MYH7B: variants seen among roughly 807,000 people sequenced by gnomAD.
MYH7B encodes the protein myosin-7B.
In MYH7B, 205 loss-of-function variants were observed where a neutral mutation model predicts 234.5. The observed-to-expected ratio is 0.87, with a 90% CI of 0.78 to 0.98. The LOEUF (loss-of-function observed/expected upper bound fraction) is 0.98, where lower values mean the gene tolerates loss of function less well. Ranked by LOEUF, MYH7B falls within the 50% of genes least tolerant of loss-of-function variation. The pLI is 0.00. For synonymous variants in MYH7B, 1,193 were observed against 1,105.0 expected (o/e 1.08, Z -1.58); for missense variants, 2,652 against 2,633.4 (o/e 1.01, Z -0.15).
intron 1 of MYH7B, among the ~76,000 whole-genome samples, chr20:34,957,230 C>A (rs11700037): frequency 5.3e-5 from 8 of 152,138 alleles, no homozygotes; most frequent in Non-Finnish European, 7.3e-5. Flanking sequence ...GCAACAGGAG[C>A]TAAGGGCTTT....
chr20:34,977,671 T>TGGTGCCGAGGTAGG lies in MYH7B; in HGVS notation c.-81_-73+5dup. On this transcript the variant is annotated 5_prime_UTR_variant, in exon 4 of 45. The change creates a premature stop within an existing upstream ORF in the 5' untranslated region. Transcript: ENST00000262873. ...GTAGCAGAGCTTCCTGCCCTCACCGTGGTGCCGAGGTAGGTGATCAGGGCT... is the reference window on the plus strand; with the variant it reads ...GTAGCAGAGCTTCCTGCCCTCACCGTGGTGCCGAGGTAGGGGTGCCGAGGTAGGTGATCAGGGCT... 1 of 1,412,772 alleles carries TGGTGCCGAGGTAGG rather than the reference T, an allele frequency of 7.1e-7. No homozygotes were observed. Among genetic ancestry groups the TGGTGCCGAGGTAGG allele is most frequent in the Non-Finnish European group, 9.4e-7 (1 of 1,069,260 alleles). 87.5% of individuals were successfully genotyped at this position (1,412,772 alleles called of 1,614,324 possible).
At chr20:34,974,219 G>A (rs1055586974) in intron 2 of MYH7B, among the ~76,000 whole-genome samples, 2 of 143,830 alleles carry the variant, frequency 1.4e-5, no homozygotes, top group African/African-American at 5.3e-5. Context: ...GAGCCACCAT[G>A]CCCAGCCTTT....
rs60226031 is a variant in MYH7B, at chr20:34,985,959, A to G, written c.806-141A>G. 5.4e-3 allele frequency: 3,744 copies of G among 694,670 alleles called. 49 individuals carry two copies. Among genetic ancestry groups the G allele is most frequent in the Middle Eastern group, 0.025 (64 of 2,598 alleles). 43.0% of individuals were successfully genotyped at this position (694,670 alleles called of 1,614,324 possible). On this transcript the variant is annotated intron_variant, in intron 13 of 44. Coordinates refer to ENST00000262873, the Ensembl canonical transcript of MYH7B. ...GTGATGACGCAGGCACAGGGGAGAT[A>G]CCCTCCCCACACAAGCTGGCAGGTG...
intron 19 of MYH7B, among the ~76,000 whole-genome samples, chr20:34,989,307 A>G (rs2147203397): frequency 6.6e-6 from 1 of 152,324 alleles, no homozygotes; most frequent in East Asian, 1.9e-4. Flanking sequence ...GAAGACATTC[A>G]TCTTCCCACT....
At position 34,993,240 on chromosome 20, in the gene MYH7B, G is replaced by A; in HGVS notation, c.2307+15G>A. On this transcript the variant is annotated intron_variant, in intron 25 of 44. Transcript: ENST00000262873. Reference sequence around the variant, plus strand: ...GCCACACCAAGGTCGGGGCACTGTGGGATCAGGGCTGGCCATGGCTGTGGC... The same window carrying A: ...GCCACACCAAGGTCGGGGCACTGTGAGATCAGGGCTGGCCATGGCTGTGGC... The A allele has an allele frequency of 6.2e-7, 1 of 1,613,914 alleles. No individual in the cohort carries two copies. Among genetic ancestry groups the A allele is most frequent in the Non-Finnish European group, 8.5e-7 (1 of 1,179,906 alleles).
chr20:34,956,691 G>T (rs566516021), intron 1 of MYH7B, among the ~76,000 whole-genome samples: 41 of 152,184 alleles, frequency 2.7e-4, no homozygotes, highest in Non-Finnish European at 5.4e-4. Flanking sequence ...GAAGGTATAG[G>T]TAGTGAAGGA....
chr20:34,990,879 C>T, intron 23 of MYH7B, 54 bp downstream of exon 23: 1 of 1,601,674 alleles, frequency 6.2e-7, no homozygotes, highest in Non-Finnish European at 8.6e-7. Context: ...GGGAAGGTGA[C>T]AGGGCAGAGG....
intron 23 of MYH7B, 62 bp from the exon 24 acceptor site, chr20:34,990,942 T>C (rs1326026757): frequency 1.3e-6 from 2 of 1,568,480 alleles, no homozygotes; most frequent in Non-Finnish European, 1.8e-6. Flanking sequence ...CCACTGCTGC[T>C]TTTTCTCTGG....
intron 24 of MYH7B, among the ~76,000 whole-genome samples, chr20:34,991,787 T>G (rs760642590): frequency 2.4e-4 from 36 of 152,212 alleles, no homozygotes; most frequent in Non-Finnish European, 4.6e-4. Flanking sequence ...ACACTATCCT[T>G]TGTAAACAGA....
intron 24 of MYH7B, among the ~76,000 whole-genome samples, chr20:34,991,848 G>A (rs1445902327): frequency 1.3e-5 from 2 of 152,220 alleles, no homozygotes; most frequent in Non-Finnish European, 2.9e-5. Context: ...CTGTGACCTT[G>A]TTTTTTCTAA....
chr20:34,979,881 G>T lies in MYH7B; in HGVS notation c.342+77G>T, dbSNP rs894505468. The T allele has an allele frequency of 4.7e-6, 7 of 1,502,148 alleles. No individual in the cohort carries two copies. The East Asian group carries it at 1.7e-4, about 36-fold the overall frequency. The allele number at this position is 1,502,148 out of a possible 1,614,324, so 93.1% of individuals were successfully genotyped here. On this transcript the variant is annotated intron_variant, in intron 7 of 44. Transcript: ENST00000262873. ...GGCTAGAGATGAGGTGCTGGGGGCGGGCCCATAGCGGTGGGGCGGGGCTGT... is the reference window on the plus strand; with the variant it reads ...GGCTAGAGATGAGGTGCTGGGGGCGTGCCCATAGCGGTGGGGCGGGGCTGT...
exon 40 of MYH7B, chr20:35,000,779 C>T (rs2082358134): frequency 1.2e-6 from 2 of 1,613,114 alleles, no homozygotes; most frequent in South Asian, 1.1e-5. Flanking sequence ...ACACAGGCCT[C>T]CTAAACCAGA....
intron 2 of MYH7B, among the ~76,000 whole-genome samples, chr20:34,963,630 G>A (rs1045155723): frequency 6.6e-6 from 1 of 152,190 alleles, no homozygotes; most frequent in Non-Finnish European, 1.5e-5. Context: ...TGCTTTGAAT[G>A]TCATATCTAC....
chr20:34,999,886 CGAG>C (rs749339542), exon 38 of MYH7B: 8 of 1,613,654 alleles, frequency 5.0e-6, no homozygotes, highest in Non-Finnish European at 6.8e-6. Flanking sequence ...CAGAGAAAGA[CGAG>C]GAGTGCGCTA....
At chr20:34,977,728 G>A in intron 4 of MYH7B, 48 bp downstream of exon 4, 1 of 1,387,882 alleles carries the variant, frequency 7.2e-7, no homozygotes, top group Non-Finnish European at 9.9e-7. Context: ...GCAGGAGGGT[G>A]GGCGGGTGGG....
At position 34,986,217 on chromosome 20, in the gene MYH7B, AAGG is replaced by A. The variant is rs1419791344; in HGVS notation, c.904+20_904+22del. On this transcript the variant is annotated intron_variant, in intron 14 of 44. Coordinates refer to ENST00000262873, the Ensembl canonical transcript of MYH7B. ...CTGCAGGGTGAGGGGCAGTACGATG[AAGG>A]GGGTGGGAGTCAGAACCTGGAGGGG... 2.6e-6 allele frequency: 4 copies of A among 1,567,768 alleles called. No individual in the cohort carries two copies. The highest frequency in any genetic ancestry group is 3.5e-6 in the Non-Finnish European group (4 of 1,153,032).
At chr20:34,980,152 G>A in intron 7 of MYH7B, 1 of 383,388 alleles carries the variant, frequency 2.6e-6, no homozygotes, top group East Asian at 4.9e-5. Context: ...CACAGAGGGT[G>A]TGGTGTGGCA....
rs894259630 is a variant in MYH7B, at chr20:34,975,385, G to C, written c.-221-15G>C. ...ATGCCTGGCTAATTTTTGTTTGTTT[G>C]TTTGTTTGTTGTAGAGATGGGGTTT... On this transcript the variant is annotated splice_polypyrimidine_tract_variant and intron_variant, in intron 2 of 44. Transcript: ENST00000262873. 25 of 582,434 alleles carry C rather than the reference G, an allele frequency of 4.3e-5. No homozygotes were observed. The highest frequency in any genetic ancestry group is 2.8e-4 in the Admixed American group (10 of 35,508). 36.1% of individuals were successfully genotyped at this position (582,434 alleles called of 1,614,324 possible). A position where few individuals can be genotyped will look rare whatever the true frequency, so the allele number is the denominator to read the frequency against.
At chr20:34,985,296 C>A (rs747061610) in intron 13 of MYH7B, among the ~76,000 whole-genome samples, 167 bp downstream of exon 13, 18 of 152,160 alleles carry the variant, frequency 1.2e-4, no homozygotes, top group Non-Finnish European at 2.1e-4. Flanking sequence ...CAGAACATCA[C>A]CCCAGCCTCT....
Sources: allele counts gnomAD v4.1 joint callset (sites outside exome capture counted in the v4.1 genomes callset), GRCh38; gene constraint gnomAD v4.1.1; transcripts MANE v1.5; gene names NCBI Gene and HGNC (gene_info 2026-07-23, HGNC 2026-07-21).